Variants in KCNIP4 observed in about 807,000 individuals in gnomAD.
KCNIP4 encodes Kv channel-interacting protein 4.
A neutral mutation model predicts 34.0 loss-of-function variants in KCNIP4; 12 were observed. The observed-to-expected ratio is 0.35, with a 90% CI of 0.23 to 0.57. The LOEUF (loss-of-function observed/expected upper bound fraction) is 0.57. Among genes scored for constraint, KCNIP4 ranks in the 20% least tolerant of loss-of-function variants. The probability of loss-of-function intolerance (pLI) is 0.83; values close to 1 mark genes in which losing one functional copy is unlikely to be tolerated. For missense variants in KCNIP4, 238 were observed against 311.7 expected (o/e 0.76, Z 1.78); for synonymous variants, 124 against 102.2 (o/e 1.21, Z -1.29).
intron 1 of KCNIP4, among the ~76,000 whole-genome samples, chr4:21,201,863 C>T (rs569143824): frequency 1.3e-5 from 2 of 152,328 alleles, no homozygotes; most frequent in South Asian, 4.1e-4. Context: ...TAAATAACTA[C>T]CTTTATAAAA....
chr4:21,184,544 G>T (rs536083266), intron 1 of KCNIP4, among the ~76,000 whole-genome samples: 1 of 152,174 alleles, frequency 6.6e-6, no homozygotes, highest in East Asian at 1.9e-4. Flanking sequence ...AGATGGGAGG[G>T]GTTGTTAGCA....
intron 3 of KCNIP4, among the ~76,000 whole-genome samples, chr4:20,787,932 T>C (rs1396429503): frequency 6.6e-6 from 1 of 152,166 alleles, no homozygotes; most frequent in Non-Finnish European, 1.5e-5. Flanking sequence ...AATCATATCT[T>C]ATGTAATCAG....
intron 1 of KCNIP4, among the ~76,000 whole-genome samples, chr4:21,006,116 AT>A (rs749300169): frequency 1.3e-4 from 20 of 152,236 alleles, no homozygotes; most frequent in Non-Finnish European, 2.6e-4. Flanking sequence ...ACTCACGTCT[AT>A]CTAACTTGAA....
chr4:20,898,686 T>C (rs111875943), intron 1 of KCNIP4, among the ~76,000 whole-genome samples: 188 of 152,338 alleles, frequency 1.2e-3, no homozygotes, highest in African/African-American at 4.1e-3. Context: ...AGAGTCTCAA[T>C]TGAAGAAACT....
intron 1 of KCNIP4, among the ~76,000 whole-genome samples, chr4:21,155,510 T>C (rs762262560): frequency 6.6e-5 from 10 of 152,182 alleles, no homozygotes; most frequent in Non-Finnish European, 1.5e-4. Context: ...GTGAAGCTAG[T>C]TGATTGCAGT....
intron 1 of KCNIP4, among the ~76,000 whole-genome samples, chr4:21,331,824 A>G (rs1348729337): frequency 1.3e-5 from 2 of 152,034 alleles, no homozygotes; most frequent in African/African-American, 4.8e-5. Context: ...CTTTGCTGTC[A>G]TCCTAGAATA....
intron 3 of KCNIP4, among the ~76,000 whole-genome samples, chr4:20,765,559 C>T (rs1755324931): frequency 6.6e-6 from 1 of 152,180 alleles, no homozygotes; most frequent in Admixed American, 6.5e-5. Context: ...GCCACATACT[C>T]TTTACTGTCA....
At chr4:21,694,281 C>A (rs2109049832) in intron 1 of KCNIP4, among the ~76,000 whole-genome samples, 1 of 152,128 alleles carries the variant, frequency 6.6e-6, no homozygotes, top group African/African-American at 2.4e-5. Flanking sequence ...GTAGCATGAG[C>A]CCCATCTAGA....
rs538005238 is a variant in KCNIP4 at position 21,663,525 on chromosome 4, T to C, written c.61+285046A>G. Among the ~76,000 whole-genome samples the C allele has an allele frequency of 8.5e-5, 13 of 152,276 alleles. No individual in the cohort carries two copies. In the East Asian group the frequency reaches 2.5e-3, roughly 30 times the overall value. ...GCTACTCTACTACCTGCTTTCTTCATGTCTTCAATGGCTTAGGACTGGCTT... is the reference window on the plus strand; with the variant it reads ...GCTACTCTACTACCTGCTTTCTTCACGTCTTCAATGGCTTAGGACTGGCTT... On this transcript the variant is annotated intron_variant, in intron 1 of 8. Coordinates refer to ENST00000382152, the MANE Select transcript of KCNIP4 (RefSeq NM_025221.6).
intron 1 of KCNIP4, among the ~76,000 whole-genome samples, chr4:21,052,194 C>A (rs1200388146): frequency 6.6e-6 from 1 of 152,096 alleles, no homozygotes; most frequent in Non-Finnish European, 1.5e-5. Context: ...TGCCATTTTC[C>A]AAGCGTTTGG....
intron 1 of KCNIP4, among the ~76,000 whole-genome samples, chr4:21,626,859 A>G (rs1194606739): frequency 1.3e-5 from 2 of 151,086 alleles, no homozygotes; most frequent in Non-Finnish European, 3.0e-5. Context: ...TCTAAAACTG[A>G]GTTCCATTTT....
chr4:21,381,467 T>C (rs1216883073), intron 1 of KCNIP4, among the ~76,000 whole-genome samples: 1 of 152,196 alleles, frequency 6.6e-6, no homozygotes, highest in African/African-American at 2.4e-5. Context: ...CATTCTTGGC[T>C]CATTCATGTA....
chr4:20,802,266 A>C (rs1221855803), intron 3 of KCNIP4, among the ~76,000 whole-genome samples: 1 of 98,752 alleles, frequency 1.0e-5, no homozygotes, highest in Non-Finnish European at 2.2e-5. Flanking sequence ...CATATATGCT[A>C]TATATATGCT....
intron 1 of KCNIP4, among the ~76,000 whole-genome samples, chr4:21,296,701 A>G (rs1026249345): frequency 6.6e-6 from 1 of 151,898 alleles, no homozygotes; most frequent in African/African-American, 2.4e-5. Context: ...TCTACATTCT[A>G]TGGCTTCCCT....
intron 1 of KCNIP4, chr4:21,844,166 A>G (rs1723860427): frequency 6.6e-6 from 1 of 152,122 alleles, no homozygotes; most frequent in South Asian, 2.1e-4. Context: ...GTATTTCAGA[A>G]GAATTTAGGA....
chr4:21,665,020 T>C lies in KCNIP4; in HGVS notation c.61+283551A>G, dbSNP rs147692057. Reference sequence around the variant, plus strand: ...ATGGATGCTTAATTTATCTGTCACATGATCTATTAATGGCTATCATATAGT... The same window carrying C: ...ATGGATGCTTAATTTATCTGTCACACGATCTATTAATGGCTATCATATAGT... On this transcript the variant is annotated intron_variant, in intron 1 of 8. Coordinates refer to ENST00000382152, the MANE Select transcript of KCNIP4 (RefSeq NM_025221.6). Among the ~76,000 whole-genome samples the C allele has an allele frequency of 4.0e-3, 611 of 152,326 alleles. 2 individuals are homozygous for C. Among genetic ancestry groups the C allele is most frequent in the African/African-American group, 0.014 (571 of 41,570 alleles).
chr4:21,534,937 T>A (rs964299998), intron 1 of KCNIP4, among the ~76,000 whole-genome samples: 1 of 152,078 alleles, frequency 6.6e-6, no homozygotes, highest in African/African-American at 2.4e-5. Flanking sequence ...TTGTTCAAGG[T>A]CAAACTCAGG....
intron 1 of KCNIP4, among the ~76,000 whole-genome samples, chr4:21,925,512 T>C (rs976479344): frequency 6.6e-6 from 1 of 152,154 alleles, no homozygotes; most frequent in African/African-American, 2.4e-5. Context: ...GTTCCAAGTC[T>C]TTGCTATTGT....
At chr4:21,382,400 A>G (rs1721590220) in intron 1 of KCNIP4, among the ~76,000 whole-genome samples, 1 of 152,336 alleles carries the variant, frequency 6.6e-6, no homozygotes, top group Non-Finnish European at 1.5e-5. Context: ...GGATAGTCAT[A>G]TCTTGCATTG....
Sources: gnomAD v4.1 joint callset for allele counts (sites outside exome capture counted in the v4.1 genomes callset) on GRCh38, gnomAD v4.1.1 for gene constraint, MANE v1.5 for transcripts, NCBI Gene and HGNC (gene_info 2026-07-23, HGNC 2026-07-21) for gene names.